Variants in NRXN3 observed in about 807,000 individuals in gnomAD.
The protein encoded by NRXN3 is neurexin 3.
Under a neutral mutation model 137.6 loss-of-function variants are expected in NRXN3, and 32 were observed. The ratio of observed to expected loss-of-function variants is 0.23; its 90% CI spans 0.18 to 0.31. NRXN3 has a LOEUF of 0.31. NRXN3 is among the 10% of genes least tolerant of loss of function. NRXN3 has a pLI of 1.00. For missense variants in NRXN3, 1,574 were observed against 2,062.5 expected (o/e 0.76, Z 4.59); for synonymous variants, 798 against 784.5 (o/e 1.02, Z -0.29).
intron 8 of NRXN3, among the ~76,000 whole-genome samples, chr14:78,788,495 T>C (rs1480650143): frequency 6.6e-6 from 1 of 152,084 alleles, no homozygotes; most frequent in Non-Finnish European, 1.5e-5. Context: ...AAAATACTCA[T>C]GGAAGATGAA....
At chr14:79,828,889 ATTAT>A (rs2099314108) in intron 20 of NRXN3, among the ~76,000 whole-genome samples, 1 of 152,102 alleles carries the variant, frequency 6.6e-6, no homozygotes, top group Non-Finnish European at 1.5e-5. Context: ...TCATACAATA[ATTAT>A]TTAAAGAAAG....
intron 4 of NRXN3, among the ~76,000 whole-genome samples, chr14:78,574,122 C>T (rs191663933): frequency 5.3e-4 from 81 of 152,324 alleles, no homozygotes; most frequent in African/African-American, 1.9e-3. Flanking sequence ...GCACAGAAGT[C>T]AAGAATTTAG....
intron 16 of NRXN3, among the ~76,000 whole-genome samples, chr14:79,514,661 G>A (rs529996563): frequency 4.6e-5 from 7 of 152,154 alleles, no homozygotes; most frequent in South Asian, 4.2e-4. Flanking sequence ...GAGTGATTAC[G>A]TGCATCACAA....
intron 15 of NRXN3, among the ~76,000 whole-genome samples, chr14:79,428,595 T>C (rs2095694704): frequency 6.6e-6 from 1 of 152,096 alleles, no homozygotes; most frequent in Non-Finnish European, 1.5e-5. Flanking sequence ...ATATATTATA[T>C]ATACATATAT....
intron 15 of NRXN3, among the ~76,000 whole-genome samples, chr14:79,263,329 A>G (rs549494566): frequency 6.6e-6 from 1 of 152,336 alleles, no homozygotes; most frequent in South Asian, 2.1e-4. Context: ...AAATTTAAGT[A>G]TTATGTTCAT....
At chr14:79,634,817 G>A (rs191412485) in intron 16 of NRXN3, among the ~76,000 whole-genome samples, 44 of 152,078 alleles carry the variant, frequency 2.9e-4, no homozygotes, top group Admixed American at 1.7e-3. Context: ...TTTCCCCATC[G>A]CCACCACGTC....
At chr14:78,861,438 A>T (rs1326040958) in intron 10 of NRXN3, among the ~76,000 whole-genome samples, 1 of 152,088 alleles carries the variant, frequency 6.6e-6, no homozygotes, top group Non-Finnish European at 1.5e-5. Context: ...ATCCTGTTGA[A>T]TTTCCTTGAA....
At chr14:78,285,285 A>G (rs1029278433) in intron 3 of NRXN3, among the ~76,000 whole-genome samples, 3 of 152,186 alleles carry the variant, frequency 2.0e-5, no homozygotes, top group Admixed American at 6.5e-5. Flanking sequence ...CTTTGGGGCA[A>G]TACTCTTACT....
At chr14:79,656,603 ACT>A (rs1322471968) in intron 16 of NRXN3, among the ~76,000 whole-genome samples, 7 of 137,258 alleles carry the variant, frequency 5.1e-5, no homozygotes, top group African/African-American at 8.2e-5. Flanking sequence ...TGTCATCCCT[ACT>A]CTCTCTCTCT....
chr14:78,651,956 A>G (rs2097749098), intron 6 of NRXN3, among the ~76,000 whole-genome samples: 1 of 152,212 alleles, frequency 6.6e-6, no homozygotes, highest in South Asian at 2.1e-4. Flanking sequence ...GGAAGCTCTT[A>G]TCCCACAGAT....
At chr14:79,633,584 TGTTTCAGGAA>T (rs33971183) in intron 16 of NRXN3, among the ~76,000 whole-genome samples, 39,949 of 152,012 alleles carry the variant, frequency 0.26, 5,879 homozygotes, top group African/African-American at 0.4. Context: ...AAGTAGCTGA[TGTTTCAGGAA>T]GTCTAGGAAG....
At position 79,643,235 on chromosome 14, in the gene NRXN3, A is replaced by T. The variant is rs531029359; in HGVS notation, c.3445-20543A>T. On this transcript the variant is annotated intron_variant, in intron 16 of 20. Transcript: ENST00000335750. Reference sequence around the variant, plus strand: ...ATTATCCAATAGTGTTTTTTAAAATATATATCAAATTATGCTATCTCACCA... The same window carrying T: ...ATTATCCAATAGTGTTTTTTAAAATTTATATCAAATTATGCTATCTCACCA... 6.6e-5 allele frequency among the ~76,000 whole-genome samples: 9 copies of T among 135,962 alleles called. 1 individual carries two copies. Among genetic ancestry groups the T allele is most frequent in the East Asian group, 3.9e-4 (2 of 5,108 alleles). 89.2% of individuals were successfully genotyped at this position (135,962 alleles called of 152,430 possible). A position where few individuals can be genotyped will look rare whatever the true frequency, so the allele number is the denominator to read the frequency against.
At chr14:78,821,910 C>T (rs912133073) in intron 10 of NRXN3, among the ~76,000 whole-genome samples, 1 of 152,166 alleles carries the variant, frequency 6.6e-6, no homozygotes, top group African/African-American at 2.4e-5. Context: ...TTCCGGTCAT[C>T]ATAAATAGAA....
chr14:78,309,493 T>C (rs2077730456), intron 4 of NRXN3, among the ~76,000 whole-genome samples: 1 of 151,962 alleles, frequency 6.6e-6, no homozygotes, highest in African/African-American at 2.4e-5. Context: ...GTCTTGTTCC[T>C]GTCTTGGTGT....
chr14:79,026,706 G>T (rs2099598530), intron 15 of NRXN3, among the ~76,000 whole-genome samples: 1 of 151,834 alleles, frequency 6.6e-6, no homozygotes, highest in Non-Finnish European at 1.5e-5. Context: ...GGATACTAAG[G>T]TATGTGAAAA....
intron 1 of NRXN3, among the ~76,000 whole-genome samples, chr14:78,235,517 G>T (rs1466253827): frequency 6.6e-6 from 1 of 151,134 alleles, no homozygotes; most frequent in African/African-American, 2.4e-5. Context: ...TACCATAACA[G>T]ATCAGTATTC....
Position 78,833,670 on chromosome 14 carries a change from G to A in NRXN3, c.2275+23326G>A, listed in dbSNP as rs867147480. 5.9e-5 allele frequency among the ~76,000 whole-genome samples: 9 copies of A among 152,288 alleles called. No individual in the cohort carries two copies. In the South Asian group the frequency reaches 1.9e-3, roughly 32 times the overall value. On this transcript the variant is annotated intron_variant, in intron 10 of 20. Transcript: ENST00000335750. ...AGATTTTGAACTATCAGGGTAGAGG[G>A]AAATTGTTTCTGGTGGTTAAAATGG...
At chr14:78,415,344 A>T (rs2093071008) in intron 4 of NRXN3, among the ~76,000 whole-genome samples, 1 of 152,194 alleles carries the variant, frequency 6.6e-6, no homozygotes, top group African/African-American at 2.4e-5. Flanking sequence ...AGGCTGTGTC[A>T]GTTCTTTATT....
chr14:78,880,986 C>G (rs1308461182), intron 10 of NRXN3, among the ~76,000 whole-genome samples: 1 of 152,114 alleles, frequency 6.6e-6, no homozygotes, highest in Non-Finnish European at 1.5e-5. Context: ...GGCAATTACC[C>G]TTATGCTGTT....
Sources: gnomAD v4.1 joint callset for allele counts (sites outside exome capture counted in the v4.1 genomes callset) on GRCh38, gnomAD v4.1.1 for gene constraint, MANE v1.5 for transcripts, NCBI Gene and HGNC (gene_info 2026-07-23, HGNC 2026-07-21) for gene names.